Variants in PRELID2 observed in about 807,000 individuals in gnomAD.
PRELID2 encodes the protein PRELI domain containing 2.
PRELID2 carries 25 observed loss-of-function variants against 28.4 expected under a neutral mutation model. The ratio of observed to expected loss-of-function variants is 0.88; its 90% CI spans 0.64 to 1.23. The LOEUF (loss-of-function observed/expected upper bound fraction) is 1.23, where lower values mean the gene tolerates loss of function less well. Among genes scored for constraint, PRELID2 ranks in the 50% most tolerant of loss-of-function variants. PRELID2 has a pLI of 0.00. For missense variants in PRELID2, 201 were observed against 214.4 expected (o/e 0.94, Z 0.39); for synonymous variants, 76 against 71.6 (o/e 1.06, Z -0.31).
At chr5:145,792,579 T>C (rs558048910) in intron 5 of PRELID2, among the ~76,000 whole-genome samples, 3 of 152,204 alleles carry the variant, frequency 2.0e-5, no homozygotes, top group Admixed American at 2.0e-4. Context: ...ACAGTCTCTA[T>C]CTTGTGAATT....
intron 1 of PRELID2, among the ~76,000 whole-genome samples, chr5:145,560,809 T>C (rs182140267): frequency 2.2e-4 from 33 of 152,334 alleles, no homozygotes; most frequent in African/African-American, 7.9e-4. Context: ...ATGCCTCTCT[T>C]CTTTCCCAGT....
At chr5:145,346,868 C>A in the PRELID2 span, among the ~76,000 whole-genome samples, 1 of 152,068 alleles carries the variant, frequency 6.6e-6, no homozygotes, top group Non-Finnish European at 1.5e-5. Flanking sequence ...CCATTTTAGG[C>A]CTAAGAGAGA....
At chr5:145,787,022 G>T (rs1338000435) in intron 5 of PRELID2, among the ~76,000 whole-genome samples, 4 of 152,276 alleles carry the variant, frequency 2.6e-5, no homozygotes, top group Admixed American at 6.5e-5. Context: ...CTCTGCTTCA[G>T]CCTCCTGATC....
intron 1 of PRELID2, among the ~76,000 whole-genome samples, chr5:145,727,263 G>A (rs1442639153): frequency 6.6e-6 from 1 of 152,122 alleles, no homozygotes; most frequent in Non-Finnish European, 1.5e-5. Flanking sequence ...AGCCATGAGG[G>A]GGTTCATGCC....
At chr5:145,266,527 A>C in the PRELID2 span, among the ~76,000 whole-genome samples, 2 of 152,162 alleles carry the variant, frequency 1.3e-5, no homozygotes, top group East Asian at 3.9e-4. Flanking sequence ...ATAATCAAAA[A>C]ATCCAAAAAT....
chr5:145,570,291 C>A (rs1346132834), intron 1 of PRELID2, among the ~76,000 whole-genome samples: 2 of 152,156 alleles, frequency 1.3e-5, no homozygotes, highest in African/African-American at 2.4e-5. Flanking sequence ...GCCTCCAGAA[C>A]AGAGGTACTC....
At chr5:145,431,676 A>G in the PRELID2 span, among the ~76,000 whole-genome samples, 20 of 152,246 alleles carry the variant, frequency 1.3e-4, no homozygotes, top group African/African-American at 4.1e-4. Context: ...AGACAAATTA[A>G]GAAACGTTCT....
At chr5:145,645,524 C>T (rs1561530187) in intron 1 of PRELID2, among the ~76,000 whole-genome samples, 1 of 151,840 alleles carries the variant, frequency 6.6e-6, no homozygotes, top group Non-Finnish European at 1.5e-5. Flanking sequence ...GAGCATTTAG[C>T]CCATTTACAT....
At chr5:145,781,774 A>ATG (rs1554093565) in intron 5 of PRELID2, among the ~76,000 whole-genome samples, 5 of 147,700 alleles carry the variant, frequency 3.4e-5, no homozygotes, top group South Asian at 2.1e-4. Flanking sequence ...ATATATATAT[A>ATG]TATACTATAT....
At chr5:145,523,991 T>C (rs1474667712) in intron 1 of PRELID2, among the ~76,000 whole-genome samples, 1 of 152,226 alleles carries the variant, frequency 6.6e-6, no homozygotes, top group Non-Finnish European at 1.5e-5. Flanking sequence ...CTTATTCTGC[T>C]AACGTCTTTA....
Position 145,551,703 on chromosome 5 carries a change from A to G in PRELID2, n.71-78388T>C, listed in dbSNP as rs1752836912. On this transcript the variant is annotated intron_variant and non_coding_transcript_variant, in intron 1 of 2. Coordinates refer to the PRELID2 transcript ENST00000510259. ...AGGGTCTTGGCAGAAAACAGATGGC[A>G]TACTCCAACTGAGTGATTTGGGATC... Among the ~76,000 whole-genome samples, 5 of 152,226 alleles carry G rather than the reference A, an allele frequency of 3.3e-5. 1 individual carries two copies. In the South Asian group the frequency reaches 1.0e-3, roughly 31 times the overall value.
At chr5:145,480,683 T>G (rs984176383) in intron 1 of PRELID2, among the ~76,000 whole-genome samples, 6 of 152,086 alleles carry the variant, frequency 3.9e-5, no homozygotes, top group Admixed American at 2.6e-4. Context: ...GAACCAAGAC[T>G]CCACCTAAGA....
At chr5:145,803,238 T>C (rs1753259554) in intron 4 of PRELID2, among the ~76,000 whole-genome samples, 1 of 152,150 alleles carries the variant, frequency 6.6e-6, no homozygotes. Flanking sequence ...ACTTCTTGAC[T>C]CACTGCTGCT....
chr5:145,563,269 A>G (rs1752939194), intron 1 of PRELID2, among the ~76,000 whole-genome samples: 2 of 152,332 alleles, frequency 1.3e-5, no homozygotes, highest in Non-Finnish European at 2.9e-5. Flanking sequence ...ACTGTGGGGA[A>G]CCACCCACAG....
At chr5:145,684,577 T>C (rs946230029) in intron 1 of PRELID2, among the ~76,000 whole-genome samples, 1 of 152,242 alleles carries the variant, frequency 6.6e-6, no homozygotes, top group African/African-American at 2.4e-5. Context: ...ATAGTTGTTC[T>C]GTTATTATTT....
intron 5 of PRELID2, among the ~76,000 whole-genome samples, chr5:145,791,077 A>T (rs1474089313): frequency 6.6e-6 from 1 of 152,124 alleles, no homozygotes; most frequent in Non-Finnish European, 1.5e-5. Flanking sequence ...AGTAATTTAT[A>T]AAGGAAAGAG....
At chr5:145,552,377 T>A (rs956646097) in intron 1 of PRELID2, among the ~76,000 whole-genome samples, 2 of 152,152 alleles carry the variant, frequency 1.3e-5, no homozygotes, top group African/African-American at 4.8e-5. Flanking sequence ...GGGTGGGGTA[T>A]GGCATAGGAC....
At chr5:145,450,260 T>A in the PRELID2 span, among the ~76,000 whole-genome samples, 1 of 152,074 alleles carries the variant, frequency 6.6e-6, no homozygotes, top group Non-Finnish European at 1.5e-5. Flanking sequence ...TTCCAGAAAT[T>A]GATAATTTAA....
chr5:145,346,811 C>A, the PRELID2 span, among the ~76,000 whole-genome samples: 2 of 152,062 alleles, frequency 1.3e-5, no homozygotes, highest in Non-Finnish European at 2.9e-5. Flanking sequence ...CTTGCACTTC[C>A]TATGTGTGAA....
Sources: gnomAD v4.1 joint callset for allele counts (sites outside exome capture counted in the v4.1 genomes callset) on GRCh38, gnomAD v4.1.1 for gene constraint, MANE v1.5 for transcripts, NCBI Gene and HGNC (gene_info 2026-07-23, HGNC 2026-07-21) for gene names.